BLTP3B: variants seen among roughly 807,000 people sequenced by gnomAD.
The protein encoded by BLTP3B is UHRF1 (ICBP90) binding protein 1-like.
the BLTP3B span, among the ~76,000 whole-genome samples, chr12:100,131,208 G>T: frequency 6.6e-6 from 1 of 151,824 alleles, no homozygotes; most frequent in African/African-American, 2.4e-5. Context: ...CTACTCAGGA[G>T]GCTGAAGTGG....
At chr12:100,064,329 G>A in the BLTP3B span, among the ~76,000 whole-genome samples, 1 of 152,188 alleles carries the variant, frequency 6.6e-6, no homozygotes, top group Non-Finnish European at 1.5e-5. Context: ...TGTTCCTAAG[G>A]AGGAAGAGAA....
the BLTP3B span, among the ~76,000 whole-genome samples, chr12:100,065,067 G>A: frequency 6.6e-6 from 1 of 152,124 alleles, no homozygotes. Context: ...ACCCTGAACA[G>A]AGGGACCAGC....
At chr12:100,133,519 TG>T in the BLTP3B span, among the ~76,000 whole-genome samples, 1 of 151,954 alleles carries the variant, frequency 6.6e-6, no homozygotes, top group African/African-American at 2.4e-5. Flanking sequence ...TGAGGTGGGG[TG>T]GGGGCGAGTA....
At chr12:100,103,709 T>G in the BLTP3B span, among the ~76,000 whole-genome samples, 1 of 152,260 alleles carries the variant, frequency 6.6e-6, no homozygotes, top group East Asian at 1.9e-4. Context: ...ATTCTAGACC[T>G]GAAAAACTTT....
chr12:100,058,214 T>C, the BLTP3B span: 7 of 1,612,738 alleles, frequency 4.3e-6, no homozygotes, highest in East Asian at 1.6e-4. Context: ...CACTATCAAA[T>C]GAAAGTATAT....
At chr12:100,120,703 T>C in the BLTP3B span, among the ~76,000 whole-genome samples, 1 of 152,154 alleles carries the variant, frequency 6.6e-6, no homozygotes, top group Admixed American at 6.6e-5. Flanking sequence ...ATACCTAGCA[T>C]ATACCTAACC....
chr12:100,061,656 CAAAAA>C, the BLTP3B span, among the ~76,000 whole-genome samples: 1 of 67,310 alleles, frequency 1.5e-5, no homozygotes, highest in Non-Finnish European at 3.2e-5. Context: ...GACTCCGTCT[CAAAAA>C]AAAAAAAAAA....
chr12:100,070,907 C>A, the BLTP3B span, among the ~76,000 whole-genome samples: 426 of 151,968 alleles, frequency 2.8e-3, 3 homozygotes, highest in African/African-American at 9.7e-3. Context: ...TCAGGAGAAT[C>A]ACTTGAACCT....
At chr12:100,139,310 A>T in the BLTP3B span, among the ~76,000 whole-genome samples, 1 of 152,196 alleles carries the variant, frequency 6.6e-6, no homozygotes, top group East Asian at 1.9e-4. Flanking sequence ...TACTTTCCCA[A>T]CATACCAGCT....
chr12:100,052,330 ACT>A, the BLTP3B span, among the ~76,000 whole-genome samples: 1 of 152,132 alleles, frequency 6.6e-6, no homozygotes, highest in African/African-American at 2.4e-5. Context: ...GGCGTGAGCC[ACT>A]GTGTCTGGCC....
At chr12:100,058,778 T>G in the BLTP3B span, 3 of 1,613,976 alleles carry the variant, frequency 1.9e-6, no homozygotes, top group South Asian at 1.1e-5. Context: ...GCAGGATAAG[T>G]GACTCATGCA....
At chr12:100,133,025 C>T in the BLTP3B span, among the ~76,000 whole-genome samples, 128 of 152,070 alleles carry the variant, frequency 8.4e-4, 1 homozygote, top group Non-Finnish European at 1.3e-4. Flanking sequence ...AGGCAGATCA[C>T]GAGGTCAGGA....
chr12:100,095,955 C>A, the BLTP3B span: 1 of 1,028,696 alleles, frequency 9.7e-7, no homozygotes, highest in Non-Finnish European at 1.3e-6. Flanking sequence ...TTCCTTCACA[C>A]AAGAAGTATT....
chr12:100,038,025 G>A, the BLTP3B span, among the ~76,000 whole-genome samples: 1 of 152,056 alleles, frequency 6.6e-6, no homozygotes, highest in Non-Finnish European at 1.5e-5. Context: ...GAATTTTCCT[G>A]GACCTCTCTA....
At chr12:100,058,102 G>A in the BLTP3B span, 4 of 1,612,380 alleles carry the variant, frequency 2.5e-6, no homozygotes, top group African/African-American at 1.3e-5. Flanking sequence ...TTTTCAGAGA[G>A]TGAAGCTGCT....
chr12:100,104,022 G>T, the BLTP3B span: 8 of 1,160,406 alleles, frequency 6.9e-6, no homozygotes, highest in East Asian at 2.0e-4. Flanking sequence ...AATCAATACA[G>T]GTGTTATATT....
the BLTP3B span, among the ~76,000 whole-genome samples, chr12:100,079,752 G>A: frequency 4.6e-5 from 7 of 152,170 alleles, no homozygotes; most frequent in Non-Finnish European, 8.8e-5. Flanking sequence ...AGGTCTTCAC[G>A]GCAGCCCCTC....
At chr12:100,128,606 TC>T in the BLTP3B span, 2 of 1,276,222 alleles carry the variant, frequency 1.6e-6, no homozygotes. Context: ...CAGAAAAAGG[TC>T]CCTATTCCTG....
the BLTP3B span, chr12:100,097,425 C>G: frequency 6.2e-7 from 1 of 1,613,604 alleles, no homozygotes; most frequent in Non-Finnish European, 8.5e-7. Context: ...CAGGAGCACA[C>G]ATAATTTCAA....
Sources: allele counts gnomAD v4.1 joint callset (sites outside exome capture counted in the v4.1 genomes callset), GRCh38; gene constraint gnomAD v4.1.1; transcripts MANE v1.5; gene names NCBI Gene and HGNC (gene_info 2026-07-23, HGNC 2026-07-21).